ZNF518A: variants seen among roughly 807,000 people sequenced by gnomAD.
ZNF518A encodes the protein zinc finger protein 518A.
ZNF518A carries 47 observed loss-of-function variants against 102.7 expected under a neutral mutation model. The ratio of observed to expected loss-of-function variants is 0.46; its 90% CI spans 0.36 to 0.58. ZNF518A has a LOEUF of 0.58. Ranked by LOEUF, ZNF518A falls within the 20% of genes least tolerant of loss-of-function variation. ZNF518A has a pLI of 0.00. For synonymous variants in ZNF518A, 652 were observed against 594.6 expected, an observed-to-expected ratio of 1.10 and a Z score of -1.40; for missense variants, 1,793 against 1,699.8, an observed-to-expected ratio of 1.05 and a Z score of -0.96.
At chr10:96,148,630 A>G (rs75588805) in intron 3 of ZNF518A, among the ~76,000 whole-genome samples, 8,915 of 152,256 alleles carry the variant, frequency 0.059, 395 homozygotes, top group Middle Eastern at 0.18. Flanking sequence ...AAGGGCTTGT[A>G]ACACAAGGTT....
exon 3 of ZNF518A, chr10:96,204,017 G>T (rs963592131): frequency 5.7e-6 from 9 of 1,578,726 alleles, no homozygotes; most frequent in South Asian, 3.3e-5. Flanking sequence ...ATCCAGCCTC[G>T]ACCACTCCCT....
intron 1 of ZNF518A, among the ~76,000 whole-genome samples, chr10:96,190,807 A>T (rs1176296418): frequency 2.6e-5 from 4 of 152,172 alleles, no homozygotes; most frequent in African/African-American, 9.7e-5. Flanking sequence ...AAGACCTTGG[A>T]CCTGATTCTC....
intron 3 of ZNF518A, among the ~76,000 whole-genome samples, chr10:96,134,257 G>A (rs1554873527): frequency 6.6e-6 from 1 of 152,180 alleles, no homozygotes; most frequent in Non-Finnish European, 1.5e-5. Flanking sequence ...TTGAGACGGA[G>A]TCTCACTCTG....
intron 1 of ZNF518A, chr10:96,201,002 T>C: frequency 6.2e-7 from 1 of 1,614,118 alleles, no homozygotes; most frequent in Non-Finnish European, 8.5e-7. Flanking sequence ...ATAGTGGAAT[T>C]AGATGAAAAG....
rs781904443 is a variant in ZNF518A at position 96,201,045 on chromosome 10, C to T, written n.36-2529C>T. The T allele has an allele frequency of 4.0e-5, 64 of 1,613,904 alleles. 2 individuals are homozygous for T. The South Asian group carries it at 5.1e-4, about 13-fold the overall frequency. On this transcript the variant is annotated intron_variant and non_coding_transcript_variant, in intron 1 of 2. Coordinates refer to the ZNF518A transcript ENST00000442635. The stretch of plus-strand genomic sequence containing the variant: ...GGGGCCCATCCACAGTTGGGTTTCC[C>T]CCTTCTGTAAATCCTGAAAGGGATC...
rs1554873122 is a variant in ZNF518A, at chr10:96,133,568, C to G, written c.-367-15C>G. 2 of 152,168 alleles carry G rather than the reference C, an allele frequency of 1.3e-5. No homozygotes were observed. The highest frequency in any genetic ancestry group is 1.9e-4 in the East Asian group (1 of 5,204). The allele number at this position is 152,168 out of a possible 1,614,324, so 9.4% of individuals were successfully genotyped here. A position where few individuals can be genotyped will look rare whatever the true frequency, so the allele number is the denominator to read the frequency against. On this transcript the variant is annotated splice_polypyrimidine_tract_variant and intron_variant, in intron 2 of 5. Coordinates refer to ENST00000316045, the MANE Select transcript of ZNF518A (RefSeq NM_001330736.2). ...CCTCAAAACACAGATGTCTCCTACTCTTTGTGTTGGATAGGTCCTGGGATC... is the reference window on the plus strand; with the variant it reads ...CCTCAAAACACAGATGTCTCCTACTGTTTGTGTTGGATAGGTCCTGGGATC...
intron 1 of ZNF518A, among the ~76,000 whole-genome samples, chr10:96,201,684 A>G (rs982557793): frequency 6.6e-6 from 1 of 151,896 alleles, no homozygotes; most frequent in African/African-American, 2.4e-5. Context: ...CAACTCCCTC[A>G]AAGAGTTTAC....
intron 1 of ZNF518A, chr10:96,189,672 T>A: frequency 1.4e-6 from 1 of 719,094 alleles, no homozygotes; most frequent in South Asian, 1.4e-5. Flanking sequence ...TCAATGGTGC[T>A]TTTTCTTCAG....
At chr10:96,130,213 G>C (rs1411731987), upstream of ZNF518A, 3 of 152,710 alleles carry the variant, frequency 2.0e-5, no homozygotes, top group Non-Finnish European at 2.9e-5. Flanking sequence ...TGGACCGTCA[G>C]GGTCCCCCAA....
intron 1 of ZNF518A, among the ~76,000 whole-genome samples, chr10:96,132,257 A>AG (rs2081375900): frequency 6.6e-6 from 1 of 151,388 alleles, no homozygotes. Flanking sequence ...ATGAGTATTA[A>AG]GGGTTAGTAT....
At chr10:96,166,697 G>A (rs2083143288), downstream of ZNF518A, among the ~76,000 whole-genome samples, 1 of 152,152 alleles carries the variant, frequency 6.6e-6, no homozygotes, top group South Asian at 2.1e-4. Context: ...AACCCGGGAG[G>A]CGGAACTTGC....
intron 1 of ZNF518A, among the ~76,000 whole-genome samples, chr10:96,170,254 C>T (rs61859662): frequency 0.051 from 7,760 of 152,276 alleles, 277 homozygotes; most frequent in Middle Eastern, 0.085. Context: ...CAGTTGTTAT[C>T]TGTCACCCCA....
chr10:96,145,588 G>A (rs1389344145), intron 3 of ZNF518A, among the ~76,000 whole-genome samples: 1 of 152,202 alleles, frequency 6.6e-6, no homozygotes, highest in Non-Finnish European at 1.5e-5. Context: ...TGACGCTTGT[G>A]TTAAAGTGTT....
rs781870364 is a variant in ZNF518A, at chr10:96,159,057, T to C, written c.2735T>C (p.Leu912Ser). The change falls in exon 6 of 6, where the codon TTA becomes TCA. Residue 912 changes from leucine to serine, a missense_variant. Transcript: ENST00000316045. ...AAACTACGAGCCACCACACAAAATTTAGGTTCTTTTTATATGCAGAGTCCA... is the reference window on the plus strand; with the variant it reads ...AAACTACGAGCCACCACACAAAATTCAGGTTCTTTTTATATGCAGAGTCCA... ...KDKLRATTQNLGSFYMQSPLL... is the reference protein window; with the variant it reads ...KDKLRATTQNSGSFYMQSPLL... The C allele has an allele frequency of 1.2e-6, 2 of 1,613,600 alleles. No homozygotes were observed. The highest frequency in any genetic ancestry group is 1.1e-5 in the South Asian group (1 of 91,058).
chr10:96,156,695 C>T lies in ZNF518A; in HGVS notation c.373C>T (p.Arg125Ter), dbSNP rs587669343. 3.1e-6 allele frequency: 5 copies of T among 1,613,512 alleles called. No homozygotes were observed. The highest frequency in any genetic ancestry group is 1.7e-5 in the Admixed American group (1 of 59,992). Residue 125 changes from arginine to a stop codon, truncating the protein, a stop_gained, in exon 6 of 6, where the codon CGA (arginine) becomes TGA (stop). Transcript: ENST00000316045. LOFTEE classifies it high-confidence loss of function. ...KILNFSCLKC[R>*]DNTRYSPNDL... ...ACTCAATTTCAGCTGTTTAAAATGC[C>T]GAGACAACACTCGATATAGCCCAAA...
At chr10:96,139,202 A>C in intron 3 of ZNF518A, among the ~76,000 whole-genome samples, 1 of 152,262 alleles carries the variant, frequency 6.6e-6, no homozygotes, top group East Asian at 1.9e-4. Flanking sequence ...AGTTGAAGAA[A>C]AAGACCCAAG....
intron 3 of ZNF518A, among the ~76,000 whole-genome samples, chr10:96,144,242 T>C (rs1203757465): frequency 1.3e-5 from 2 of 152,248 alleles, no homozygotes; most frequent in African/African-American, 4.8e-5. Context: ...CACCTTGGCT[T>C]CCCAAAGTGC....
chr10:96,161,188 T>C lies in ZNF518A; in HGVS notation c.*414T>C, dbSNP rs1034889903. 70 of 170,974 alleles carry C rather than the reference T, an allele frequency of 4.1e-4. No homozygotes were observed. Among genetic ancestry groups the C allele is most frequent in the Non-Finnish European group, 3.2e-4 (23 of 70,822 alleles). 10.6% of individuals were successfully genotyped at this position (170,974 alleles called of 1,614,324 possible). A position where few individuals can be genotyped will look rare whatever the true frequency, so the allele number is the denominator to read the frequency against. On this transcript the variant is annotated 3_prime_UTR_variant, in exon 6 of 6. Transcript: ENST00000316045. ...GCTCCTCTGGAGATGGAGAGCTCTT[T>C]CATCGTAGAACTGAAGGAGTTTCTC...
Position 96,159,842 on chromosome 10 carries a change from G to T in ZNF518A, c.3520G>T (p.Val1174Leu), listed in dbSNP as rs186854193. Residue 1174 changes from valine to leucine, a missense_variant, in exon 6 of 6, where the codon GTA becomes TTA. Physicochemically the swap from Val to Leu is conservative, Grantham distance 32 (BLOSUM62 1). Around this residue, in one of 3 missense-constraint regions of ZNF518A, gnomAD observed 1,741 missense variants for 1,622.6 expected, o/e 1.07. Coordinates refer to ENST00000316045, the MANE Select transcript of ZNF518A (RefSeq NM_001330736.2). ...TGCATCCTCATTGCAAAAAGACAAC[G>T]TACCATCTAATCAGATTATAGGAGG... ...NSASSLQKDNVPSNQIIGGEQ... is the reference protein window; with the variant it reads ...NSASSLQKDNLPSNQIIGGEQ... The T allele has an allele frequency of 2.1e-4, 333 of 1,613,494 alleles. 3 individuals are homozygous for T. The Middle Eastern group carries it at 3.3e-3, about 16-fold the overall frequency.
Sources: gnomAD v4.1 joint callset for allele counts (sites outside exome capture counted in the v4.1 genomes callset) on GRCh38, gnomAD v4.1.1 for gene constraint, gnomAD v4.1.1 regional missense constraint, MANE v1.5 for transcripts, NCBI Gene and HGNC (gene_info 2026-07-23, HGNC 2026-07-21) for gene names.